CC2D1A: variants seen among roughly 807,000 people sequenced by gnomAD.
The protein encoded by CC2D1A is coiled-coil and C2 domain-containing protein 1A.
Under a neutral mutation model 123.8 loss-of-function variants are expected in CC2D1A, and 68 were observed. The observed-to-expected ratio is 0.55, with a 90% CI of 0.45 to 0.67. The LOEUF is 0.67. Ranked by LOEUF, CC2D1A falls within the 30% of genes least tolerant of loss-of-function variation. The pLI, the probability that CC2D1A is intolerant of heterozygous loss-of-function variation, is 0.00. For missense variants in CC2D1A, 1,185 were observed against 1,290.3 expected (o/e 0.92, Z 1.25); for synonymous variants, 477 against 528.0 (o/e 0.90, Z 1.32).
In CC2D1A at chr19:13,919,955, T is replaced by G. The variant is rs201060571; in HGVS notation, c.1356+4T>G. 80 of 1,609,736 alleles carry G rather than the reference T, an allele frequency of 5.0e-5. No individual in the cohort carries two copies. Among genetic ancestry groups the G allele is most frequent in the Non-Finnish European group, 1.2e-5 (14 of 1,177,928 alleles). ...AGAGGATGAGGTGCCTAAGAAGGTT[T>G]GAGGGTTGGGGCCGGGCGCAGTGGC... On this transcript the variant is annotated splice_donor_region_variant and intron_variant, in intron 12 of 28. Coordinates refer to ENST00000318003, the MANE Select transcript of CC2D1A (RefSeq NM_017721.5).
rs1231951932 is a variant in CC2D1A at position 13,928,128 on chromosome 19, T to C, written c.2459T>C (p.Val820Ala). 2 of 1,606,144 alleles carry C rather than the reference T, an allele frequency of 1.2e-6. No individual in the cohort carries two copies. The highest frequency in any genetic ancestry group is 2.2e-5 in the South Asian group (2 of 90,874). Residue 820 changes from valine (V) to alanine (A), a missense_variant, in exon 24 of 29, where the codon GTT becomes GCT. Coordinates refer to ENST00000318003, the MANE Select transcript of CC2D1A (RefSeq NM_017721.5). The part of the protein sequence containing the change: ...DPVPAAVPTQ[V>A]AGPKGKAPPV... ...GACTGGTTCTCTCCTCTGAAGCAGG[T>C]TGCTGGGCCCAAAGGGAAGGCCCCT... is the stretch of plus-strand genomic sequence containing the variant.
At chr19:13,929,135 C>T (rs1016395719) in intron 24 of CC2D1A, among the ~76,000 whole-genome samples, 2 of 151,576 alleles carry the variant, frequency 1.3e-5, no homozygotes, top group African/African-American at 4.9e-5. Flanking sequence ...TCCCAAGTAG[C>T]TGGGACTACA....
At chr19:13,914,942 C>T (rs1224083449) in intron 6 of CC2D1A, among the ~76,000 whole-genome samples, 5 of 152,234 alleles carry the variant, frequency 3.3e-5, no homozygotes, top group Admixed American at 2.0e-4. Context: ...CGGGGCTTTG[C>T]CCCAGGTCCA....
At chr19:13,917,881 G>T (rs1315135063) in intron 6 of CC2D1A, among the ~76,000 whole-genome samples, 189 bp from the exon 7 acceptor site, 3 of 151,992 alleles carry the variant, frequency 2.0e-5, no homozygotes, top group African/African-American at 7.3e-5. Flanking sequence ...TGAGGCAGGA[G>T]AATCACTTGA....
chr19:13,908,161 A>G lies in CC2D1A; in HGVS notation c.60+1660A>G, dbSNP rs754264043. 6.9e-4 allele frequency among the ~76,000 whole-genome samples: 104 copies of G among 150,634 alleles called. 1 individual carries two copies. Among genetic ancestry groups the G allele is most frequent in the Admixed American group, 3.8e-3 (57 of 15,124 alleles). On this transcript the variant is annotated intron_variant, in intron 1 of 28. Coordinates refer to ENST00000318003, the MANE Select transcript of CC2D1A (RefSeq NM_017721.5). ...GCTGGGATTACAGGCATGCGCCACCATGCCTGGTTAATTTTGTATTTTTTA... is the reference window on the plus strand; with the variant it reads ...GCTGGGATTACAGGCATGCGCCACCGTGCCTGGTTAATTTTGTATTTTTTA...
intron 1 of CC2D1A, among the ~76,000 whole-genome samples, chr19:13,907,427 A>C (rs964966143): frequency 9.2e-5 from 14 of 152,036 alleles, no homozygotes; most frequent in Non-Finnish European, 2.1e-4. Flanking sequence ...TAAAGATAAA[A>C]AATTAAAAAT....
At position 13,929,634 on chromosome 19, in the gene CC2D1A, A is replaced by C; in HGVS notation, c.2684A>C (p.Glu895Ala). ...QRSQWQRAQL[E>A]QGGVGIRREY... ...AGCCAGTGGCAGAGGGCACAGCTGG[A>C]GCAGGGGGGTGTGGGCATCCGACGG... Residue 895 changes from glutamate to alanine, a missense_variant, in exon 26 of 29, where the codon GAG (glutamate) becomes GCG (alanine). Physicochemically the swap from Glu to Ala is moderately radical, Grantham distance 107. Coordinates refer to ENST00000318003, the MANE Select transcript of CC2D1A (RefSeq NM_017721.5). The C allele has an allele frequency of 6.5e-7, 1 of 1,531,648 alleles. No homozygotes were observed. The highest frequency in any genetic ancestry group is 1.2e-5 in the South Asian group (1 of 86,320). The allele number at this position is 1,531,648 out of a possible 1,614,324, so 94.9% of individuals were successfully genotyped here.
intron 2 of CC2D1A, among the ~76,000 whole-genome samples, chr19:13,910,362 C>T (rs1394433996): frequency 6.2e-5 from 9 of 146,142 alleles, no homozygotes; most frequent in Admixed American, 1.4e-4. Flanking sequence ...GAGCCGAGAT[C>T]GCACCACTGC....
At chr19:13,926,378 C>G (rs1249352058) in intron 17 of CC2D1A, 139 bp from the exon 18 acceptor site, 2 of 666,144 alleles carry the variant, frequency 3.0e-6, no homozygotes, top group South Asian at 3.7e-5. Flanking sequence ...TAAAATGAGC[C>G]CAGGAGCTGA....
chr19:13,929,642 G>C lies in CC2D1A; in HGVS notation c.2692G>C (p.Gly898Arg). 1 of 1,565,436 alleles carries C rather than the reference G, an allele frequency of 6.4e-7. No individual in the cohort carries two copies. The highest frequency in any genetic ancestry group is 8.6e-7 in the Non-Finnish European group (1 of 1,158,122). Residue 898 changes from glycine to arginine, a missense_variant, in exon 26 of 29, where the codon GGT (glycine) becomes CGT (arginine). Transcript: ENST00000318003. ...GCAGAGGGCACAGCTGGAGCAGGGG[G>C]GTGTGGGCATCCGACGGGGTAGGGG... ...QWQRAQLEQG[G>R]VGIRREYAAQ...
intron 1 of CC2D1A, among the ~76,000 whole-genome samples, chr19:13,908,344 C>A (rs1296825169): frequency 6.6e-6 from 1 of 152,028 alleles, no homozygotes; most frequent in East Asian, 1.9e-4. Context: ...TGGGATTTCA[C>A]CATGTTGGCC....
intron 17 of CC2D1A, 140 bp from the exon 18 acceptor site, chr19:13,926,377 C>T (rs1482171838): frequency 3.0e-6 from 2 of 662,338 alleles, no homozygotes; most frequent in African/African-American, 1.8e-5. Context: ...CTAAAATGAG[C>T]CCAGGAGCTG....
In CC2D1A at chr19:13,906,202, T is replaced by C. The variant is rs1970718315; in HGVS notation, c.-240T>C. On this transcript the variant is annotated 5_prime_UTR_variant, in exon 1 of 29. Transcript: ENST00000318003. The surrounding 1 kb of genome is among the most constrained non-coding windows in gnomAD (Gnocchi z 4.1). The stretch of plus-strand genomic sequence containing the variant: ...CCCACGCACTACCTGCCGGGAGTTG[T>C]AGTTTCGGCTCGGCAGACCCGGCGA... 1.4e-5 allele frequency: 6 copies of C among 417,564 alleles called. No individual in the cohort carries two copies. The East Asian group carries it at 2.2e-4, about 16-fold the overall frequency. 25.9% of individuals were successfully genotyped at this position (417,564 alleles called of 1,614,324 possible).
At chr19:13,910,770 G>A (rs1247254749) in intron 2 of CC2D1A, among the ~76,000 whole-genome samples, 1 of 152,158 alleles carries the variant, frequency 6.6e-6, no homozygotes, top group Admixed American at 6.6e-5. Context: ...AATTAGCCAA[G>A]CTTGGTGGCG....
At chr19:13,916,598 ACGT>A (rs1360247761) in intron 6 of CC2D1A, among the ~76,000 whole-genome samples, 1 of 152,156 alleles carries the variant, frequency 6.6e-6, no homozygotes, top group Non-Finnish European at 1.5e-5. Context: ...TGATGTATTT[ACGT>A]TTTGCTCAAT....
intron 6 of CC2D1A, 32 bp from the exon 7 acceptor site, chr19:13,918,038 G>A: frequency 6.2e-7 from 1 of 1,611,210 alleles, no homozygotes; most frequent in Non-Finnish European, 8.5e-7. Flanking sequence ...CCCAGGCCCT[G>A]GAGGCTTCCT....
At chr19:13,920,190 G>T in intron 12 of CC2D1A, 1 of 516,220 alleles carries the variant, frequency 1.9e-6, no homozygotes, top group Non-Finnish European at 3.4e-6. Context: ...GTTCAAGGCT[G>T]CAGTGAGCCA....
chr19:13,918,870 C>A, intron 9 of CC2D1A, 42 bp from the exon 10 acceptor site: 1 of 1,608,878 alleles, frequency 6.2e-7, no homozygotes, highest in Admixed American at 1.7e-5. Context: ...AGACTGTCTA[C>A]CCATCCGTTG....
In CC2D1A at chr19:13,918,821, G is replaced by A. The variant is rs1385034685; in HGVS notation, c.1018+4G>A. 2 of 1,613,526 alleles carry A rather than the reference G, an allele frequency of 1.2e-6. No homozygotes were observed. Among genetic ancestry groups the A allele is most frequent in the South Asian group, 2.2e-5 (2 of 91,000 alleles). ...GCTACGGCGCCCTCCACAACAGGTA[G>A]GTTCTGGGACCCTCTGGGGTTGGGG... On this transcript the variant is annotated splice_donor_region_variant and intron_variant, in intron 9 of 28. Transcript: ENST00000318003.
Sources: gnomAD v4.1 joint callset for allele counts (sites outside exome capture counted in the v4.1 genomes callset) on GRCh38, gnomAD v4.1.1 for gene constraint, Gnocchi (gnomAD v3.1) non-coding constraint, MANE v1.5 for transcripts, NCBI Gene and HGNC (gene_info 2026-07-23, HGNC 2026-07-21) for gene names.